UBE2E3: variants seen among roughly 807,000 people sequenced by gnomAD.
The protein encoded by UBE2E3 is ubiquitin-conjugating enzyme E2 E3.
UBE2E3 carries 5 observed loss-of-function variants against 23.6 expected under a neutral mutation model. The observed-to-expected ratio is 0.21, with a 90% CI of 0.11 to 0.44. UBE2E3 has a LOEUF of 0.44. UBE2E3 is among the 20% of genes least tolerant of loss of function. The pLI is 0.99. For synonymous variants in UBE2E3, 78 were observed against 87.5 expected (o/e 0.89, Z 0.60); for missense variants, 81 against 249.8 (o/e 0.32, Z 4.55).
chr2:181,046,096 A>G (rs866881700), intron 3 of UBE2E3, among the ~76,000 whole-genome samples: 1 of 152,326 alleles, frequency 6.6e-6, no homozygotes. Context: ...TGCCTGGCAC[A>G]TGGTAGATAA....
At chr2:180,989,836 C>A in intron 3 of UBE2E3, 1 of 1,525,058 alleles carries the variant, frequency 6.6e-7, no homozygotes, top group South Asian at 1.2e-5. Context: ...TTATGCTCTC[C>A]TTAAATGAGT....
At chr2:181,058,518 G>A (rs1051769154) in intron 4 of UBE2E3, among the ~76,000 whole-genome samples, 7 of 151,684 alleles carry the variant, frequency 4.6e-5, no homozygotes, top group Non-Finnish European at 7.4e-5. Context: ...GGTCAAGTCA[G>A]CAGGTAAAAA....
At chr2:181,012,274 A>G (rs558935155) in intron 3 of UBE2E3, among the ~76,000 whole-genome samples, 2 of 152,298 alleles carry the variant, frequency 1.3e-5, no homozygotes, top group Admixed American at 1.3e-4. Context: ...ATATACTGTA[A>G]ATTTTCAAAT....
intron 3 of UBE2E3, among the ~76,000 whole-genome samples, chr2:181,000,975 G>T (rs1455530203): frequency 6.6e-6 from 1 of 152,154 alleles, no homozygotes; most frequent in Non-Finnish European, 1.5e-5. Flanking sequence ...TACAAATAAT[G>T]TATGTTGTGC....
chr2:181,062,355 T>C (rs1196160089), intron 5 of UBE2E3, among the ~76,000 whole-genome samples: 5 of 151,708 alleles, frequency 3.3e-5, no homozygotes, highest in African/African-American at 1.2e-4. Context: ...ATTAGAGTCA[T>C]ATCAGGCACA....
chr2:180,987,457 A>T, intron 3 of UBE2E3: 1 of 1,503,002 alleles, frequency 6.7e-7, no homozygotes, highest in South Asian at 1.2e-5. Flanking sequence ...AAATATACTG[A>T]CGAATATTTT....
At chr2:180,984,124 A>G (rs1684383868) in intron 3 of UBE2E3, 31 bp downstream of exon 3, 1 of 1,570,724 alleles carries the variant, frequency 6.4e-7, no homozygotes, top group African/African-American at 1.3e-5. Context: ...TTTTGGTTTC[A>G]AATTGTGGAA....
chr2:181,028,471 G>A (rs1242004133), intron 3 of UBE2E3, among the ~76,000 whole-genome samples: 1 of 152,082 alleles, frequency 6.6e-6, no homozygotes, highest in Non-Finnish European at 1.5e-5. Context: ...ATTCAACCAT[G>A]CAAGATAATG....
intron 3 of UBE2E3, among the ~76,000 whole-genome samples, chr2:181,053,966 G>C (rs1199170215): frequency 6.6e-6 from 1 of 151,718 alleles, no homozygotes; most frequent in African/African-American, 2.4e-5. Flanking sequence ...TTCATATTGG[G>C]TTCTCCCACT....
intron 4 of UBE2E3, among the ~76,000 whole-genome samples, chr2:181,060,369 G>A (rs1369253964): frequency 6.6e-6 from 1 of 151,616 alleles, no homozygotes; most frequent in Non-Finnish European, 1.5e-5. Context: ...AGTTGTATAT[G>A]CTGTGGATGT....
At position 180,984,228 on chromosome 2, in the gene UBE2E3, A is replaced by G. The variant is rs540576498; in HGVS notation, c.245+135A>G. ...AGCTTTGCAAGTGCATTAAACAAAA[A>G]TTGTAGAAGGTGAACTAGATAAAAT... On this transcript the variant is annotated intron_variant, in intron 3 of 5. Transcript: ENST00000410062. The G allele has an allele frequency of 4.9e-6, 3 of 618,052 alleles. No individual in the cohort carries two copies. The South Asian group carries it at 9.0e-5, about 18-fold the overall frequency. 38.3% of individuals were successfully genotyped at this position (618,052 alleles called of 1,614,324 possible). A position where few individuals can be genotyped will look rare whatever the true frequency, so the allele number is the denominator to read the frequency against.
At position 181,041,234 on chromosome 2, in the gene UBE2E3, C is replaced by CAAAAAAAAAAAAAAAAAAAAAAAAA. The variant is rs1206207155; in HGVS notation, c.246-16440_246-16439insAAAAAAAAAAAAAAAAAAAAAAAAA. On this transcript the variant is annotated intron_variant, in intron 3 of 5. Transcript: ENST00000410062. Reference sequence around the variant, plus strand: ...CTAACGACAGAGCAAGACTCCGTCTCAAAAAAAAAAAAAAAAAAAGATAGA... The same window carrying CAAAAAAAAAAAAAAAAAAAAAAAAA: ...CTAACGACAGAGCAAGACTCCGTCTCAAAAAAAAAAAAAAAAAAAAAAAAAAAAAAAAAAAAAAAAAAAAGATAGA... 2.6e-5 allele frequency among the ~76,000 whole-genome samples: 2 copies of CAAAAAAAAAAAAAAAAAAAAAAAAA among 77,196 alleles called. 1 individual carries two copies. The highest frequency in any genetic ancestry group is 4.8e-5 in the Non-Finnish European group (2 of 41,984). 50.6% of individuals were successfully genotyped at this position (77,196 alleles called of 152,430 possible).
chr2:180,985,007 A>G, intron 3 of UBE2E3, among the ~76,000 whole-genome samples: 1 of 152,060 alleles, frequency 6.6e-6, no homozygotes. Context: ...TTCATGTTTA[A>G]CCTGTATTTT....
intron 3 of UBE2E3, among the ~76,000 whole-genome samples, chr2:181,009,024 AG>A (rs5836762): frequency 0.23 from 35,269 of 151,994 alleles, 4,454 homozygotes; most frequent in Non-Finnish European, 0.28. Flanking sequence ...AGCAGTGCTA[AG>A]GATACTTATT....
chr2:181,060,902 T>A, intron 5 of UBE2E3, 90 bp downstream of exon 5: 2 of 1,183,280 alleles, frequency 1.7e-6, no homozygotes, highest in Non-Finnish European at 2.3e-6. Flanking sequence ...TAGCTTTAAA[T>A]GTAGATTGAG....
chr2:181,018,601 T>TTG (rs1389882616), intron 3 of UBE2E3, among the ~76,000 whole-genome samples: 3 of 88,756 alleles, frequency 3.4e-5, no homozygotes, highest in Admixed American at 1.1e-4. Flanking sequence ...TTTCTGTGTT[T>TTG]TTTTTTTTTT....
chr2:180,987,995 T>G (rs1341418014), intron 3 of UBE2E3, among the ~76,000 whole-genome samples: 1 of 152,186 alleles, frequency 6.6e-6, no homozygotes, highest in Non-Finnish European at 1.5e-5. Flanking sequence ...TGGTTTCAGA[T>G]CCATGCTCTG....
intron 3 of UBE2E3, among the ~76,000 whole-genome samples, chr2:181,023,870 C>G (rs2048977): frequency 0.23 from 35,302 of 151,974 alleles, 4,470 homozygotes; most frequent in Non-Finnish European, 0.28. Flanking sequence ...CACGTAAGTT[C>G]GTGCTAGATA....
intron 3 of UBE2E3, among the ~76,000 whole-genome samples, chr2:180,997,425 T>A (rs1684859557): frequency 6.6e-6 from 1 of 152,156 alleles, no homozygotes; most frequent in African/African-American, 2.4e-5. Context: ...CTCTTCAGTT[T>A]CATCTTCTTT....
Sources: gnomAD v4.1 joint callset for allele counts (sites outside exome capture counted in the v4.1 genomes callset) on GRCh38, gnomAD v4.1.1 for gene constraint, MANE v1.5 for transcripts, NCBI Gene and HGNC (gene_info 2026-07-23, HGNC 2026-07-21) for gene names.